The following MCC variants were observed in gnomAD, a reference collection of about 807,000 sequenced individuals.
The protein encoded by MCC is colorectal mutant cancer protein.
A neutral mutation model predicts 116.2 loss-of-function variants in MCC; 90 were observed. The ratio of observed to expected loss-of-function variants is 0.77; its 90% confidence interval spans 0.65 to 0.92. MCC has a LOEUF of 0.92. Among genes scored for constraint, MCC ranks in the 40% least tolerant of loss-of-function variants. The pLI is 0.00. For synonymous variants in MCC, 578 were observed against 510.5 expected, an observed-to-expected ratio of 1.13 and a Z score of -1.78; for missense variants, 1,516 against 1,312.2, an observed-to-expected ratio of 1.16 and a Z score of -2.40.
At chr5:113,187,907 T>G (rs1761980120) in intron 3 of MCC, among the ~76,000 whole-genome samples, 1 of 152,130 alleles carries the variant, frequency 6.6e-6, no homozygotes, top group South Asian at 2.1e-4. Context: ...CCCTTACAGT[T>G]CTAGTGCATG....
chr5:113,388,183 C>T (rs1476430314), intron 1 of MCC, among the ~76,000 whole-genome samples: 1 of 152,124 alleles, frequency 6.6e-6, no homozygotes, highest in Non-Finnish European at 1.5e-5. Flanking sequence ...AACGTGTAGG[C>T]TGTTGAGAGG....
chr5:113,133,893 T>C (rs1758630784), intron 5 of MCC, among the ~76,000 whole-genome samples: 1 of 152,128 alleles, frequency 6.6e-6, no homozygotes, highest in South Asian at 2.1e-4. Flanking sequence ...TTGTACGTCT[T>C]CTTTTGAGCA....
At chr5:113,217,779 C>G (rs1048887250) in intron 3 of MCC, among the ~76,000 whole-genome samples, 1 of 151,906 alleles carries the variant, frequency 6.6e-6, no homozygotes, top group Middle Eastern at 3.4e-3. Context: ...CCGGAGAACT[C>G]AGGCAGAGCC....
intron 11 of MCC, among the ~76,000 whole-genome samples, chr5:113,074,411 A>T (rs1754270476): frequency 6.6e-6 from 1 of 152,266 alleles, no homozygotes; most frequent in Non-Finnish European, 1.5e-5. Context: ...AAGGTAGATA[A>T]AACCACAAAG....
chr5:113,197,153 C>T lies in MCC; in HGVS notation c.628-45731G>A, dbSNP rs150245032. Among the ~76,000 whole-genome samples the T allele has an allele frequency of 5.8e-3, 889 of 152,234 alleles. 9 individuals are homozygous for T. Among genetic ancestry groups the T allele is most frequent in the African/African-American group, 0.02 (812 of 41,524 alleles). Reference sequence around the variant, plus strand: ...GGCTGGGGGGTCCGCTCCACTGTCACGGGCTTCTTTCTTAAATACGTTCTG... The same window carrying T: ...GGCTGGGGGGTCCGCTCCACTGTCATGGGCTTCTTTCTTAAATACGTTCTG... On this transcript the variant is annotated intron_variant, in intron 3 of 18. Coordinates refer to ENST00000408903, the MANE Select transcript of MCC (RefSeq NM_001085377.2).
At chr5:113,212,539 C>T (rs1001382098) in intron 3 of MCC, among the ~76,000 whole-genome samples, 1 of 152,162 alleles carries the variant, frequency 6.6e-6, no homozygotes, top group Non-Finnish European at 1.5e-5. Context: ...TTGTTACACA[C>T]ACATTTGACA....
chr5:113,390,508 A>T (rs10061462), intron 1 of MCC, among the ~76,000 whole-genome samples: 28,007 of 152,180 alleles, frequency 0.18, 2,816 homozygotes, highest in Non-Finnish European at 0.24. Context: ...GCATGGTTTC[A>T]CAATGAACAG....
At chr5:113,144,572 G>A (rs937371888) in intron 4 of MCC, among the ~76,000 whole-genome samples, 1 of 152,116 alleles carries the variant, frequency 6.6e-6, no homozygotes, top group South Asian at 2.1e-4. Context: ...CCAGGGCAGG[G>A]ACAAAAGGCT....
intron 13 of MCC, among the ~76,000 whole-genome samples, chr5:113,065,347 A>C (rs1166731248): frequency 6.6e-6 from 1 of 152,164 alleles, no homozygotes; most frequent in Non-Finnish European, 1.5e-5. Context: ...GTGAACCTAA[A>C]ACTGCTCTAA....
intron 8 of MCC, among the ~76,000 whole-genome samples, chr5:113,087,251 A>ATTATTTAGCTTCTAAGC (rs1209466989): frequency 6.6e-6 from 1 of 152,250 alleles, no homozygotes; most frequent in African/African-American, 2.4e-5. Context: ...CTAAAATAGG[A>ATTATTTAGCTTCTAAGC]AAATTCCCTC....
chr5:113,123,290 T>C (rs1757842943), intron 5 of MCC, among the ~76,000 whole-genome samples: 1 of 152,232 alleles, frequency 6.6e-6, no homozygotes, highest in African/African-American at 2.4e-5. Flanking sequence ...GGGTTAGAGC[T>C]ATTGGGAAAC....
chr5:113,081,277 G>A (rs1253851299), intron 11 of MCC, among the ~76,000 whole-genome samples: 1 of 152,192 alleles, frequency 6.6e-6, no homozygotes, highest in Admixed American at 6.5e-5. Context: ...TTCTGTCTCA[G>A]CTACTTAATA....
chr5:113,413,644 T>TATTTGA (rs1770057060), intron 1 of MCC, among the ~76,000 whole-genome samples: 2 of 152,180 alleles, frequency 1.3e-5, no homozygotes, highest in South Asian at 4.1e-4. Flanking sequence ...TTATTGCATC[T>TATTTGA]ATTTGAATCT....
chr5:113,471,216 G>A, intron 1 of MCC, among the ~76,000 whole-genome samples: 1 of 152,218 alleles, frequency 6.6e-6, no homozygotes, highest in East Asian at 1.9e-4. Context: ...CGCTGCTGGT[G>A]AGGAGCTGTG....
intron 1 of MCC, among the ~76,000 whole-genome samples, chr5:113,425,753 G>A (rs942513752): frequency 2.0e-5 from 3 of 152,044 alleles, no homozygotes; most frequent in Non-Finnish European, 4.4e-5. Context: ...AATTGGCCTA[G>A]GGTAGGTGGA....
At chr5:113,090,248 CAG>C (rs1755508741) in intron 8 of MCC, among the ~76,000 whole-genome samples, 1 of 151,370 alleles carries the variant, frequency 6.6e-6, no homozygotes, top group Non-Finnish European at 1.5e-5. Flanking sequence ...TGCAGACTGT[CAG>C]GGGAAGATGC....
intron 3 of MCC, among the ~76,000 whole-genome samples, chr5:113,318,671 G>A (rs1046038059): frequency 2.6e-5 from 4 of 152,006 alleles, no homozygotes; most frequent in Admixed American, 1.3e-4. Flanking sequence ...CACACACTGG[G>A]GCCTATGGGA....
intron 3 of MCC, among the ~76,000 whole-genome samples, chr5:113,222,275 T>A (rs933371677): frequency 6.6e-6 from 1 of 152,242 alleles, no homozygotes; most frequent in African/African-American, 2.4e-5. Flanking sequence ...CCTCACTTTG[T>A]CATGATGTAT....
chr5:113,297,363 G>C (rs1766739257), intron 3 of MCC, among the ~76,000 whole-genome samples: 1 of 152,194 alleles, frequency 6.6e-6, no homozygotes, highest in South Asian at 2.1e-4. Context: ...TCAAGAGTTT[G>C]AGACCAGGCT....
Sources: gnomAD v4.1 joint callset for allele counts (sites outside exome capture counted in the v4.1 genomes callset) on GRCh38, gnomAD v4.1.1 for gene constraint, MANE v1.5 for transcripts, NCBI Gene and HGNC (gene_info 2026-07-23, HGNC 2026-07-21) for gene names.